Variants in PARD3 observed in about 807,000 individuals in gnomAD.
PARD3 encodes par-3 family cell polarity regulator.
In PARD3, 75 loss-of-function variants were observed where a neutral mutation model predicts 155.4. That is an observed-to-expected ratio of 0.48 (90% confidence interval 0.40 to 0.58). The LOEUF is 0.58. Among genes scored for constraint, PARD3 ranks in the 20% least tolerant of loss-of-function variants. PARD3 has a pLI of 0.00. For synonymous variants in PARD3, 576 were observed against 610.5 expected (o/e 0.94, Z 0.83); for missense variants, 1,642 against 1,721.7 (o/e 0.95, Z 0.82).
intron 22 of PARD3, 92 bp downstream of exon 22, chr10:34,269,565 T>C (rs1955510583): frequency 9.9e-6 from 14 of 1,412,152 alleles, no homozygotes; most frequent in Non-Finnish European, 1.3e-5. Flanking sequence ...AAGGCAATTC[T>C]GGTTTGAGGA....
At chr10:34,513,857 C>T (rs1324807543) in intron 3 of PARD3, among the ~76,000 whole-genome samples, 3 of 152,150 alleles carry the variant, frequency 2.0e-5, no homozygotes, top group African/African-American at 7.2e-5. Flanking sequence ...TGTCCTTGAC[C>T]TCTACTCAAT....
chr10:34,563,245 G>A (rs2085648012), intron 2 of PARD3, among the ~76,000 whole-genome samples: 1 of 152,126 alleles, frequency 6.6e-6, no homozygotes, highest in Admixed American at 6.5e-5. Flanking sequence ...GGGCAAAAAT[G>A]AATACTTTTT....
intron 14 of PARD3, among the ~76,000 whole-genome samples, chr10:34,354,382 A>G (rs1218576030): frequency 6.6e-6 from 1 of 151,942 alleles, no homozygotes; most frequent in Non-Finnish European, 1.5e-5. Context: ...TGTCTCAAAA[A>G]AAAAAAAAAG....
intron 2 of PARD3, among the ~76,000 whole-genome samples, chr10:34,628,560 G>A (rs370489514): frequency 1.6e-3 from 249 of 152,382 alleles, no homozygotes; most frequent in South Asian, 7.5e-3. Flanking sequence ...GGGTGTGGCT[G>A]TGCTCCAATA....
chr10:34,543,819 C>T (rs2083832412), intron 2 of PARD3, among the ~76,000 whole-genome samples: 1 of 152,130 alleles, frequency 6.6e-6, no homozygotes, highest in South Asian at 2.1e-4. Flanking sequence ...TGCCTTTTGT[C>T]ATCATTTGCA....
In PARD3 at chr10:34,116,577, A is replaced by G. The variant is rs547583789; in HGVS notation, c.3668+3036T>C. Among the ~76,000 whole-genome samples the G allele has an allele frequency of 2.6e-5, 4 of 152,328 alleles. No individual in the cohort carries two copies. In the South Asian group the frequency reaches 8.3e-4, roughly 32 times the overall value. On this transcript the variant is annotated intron_variant, in intron 24 of 24. Transcript: ENST00000374788. Reference sequence around the variant, plus strand: ...GAGTGGGGCTGCTTTGCAAGGCATCAAGCCGAACGCAGGGTTCTATGTTCC... The same window carrying G: ...GAGTGGGGCTGCTTTGCAAGGCATCGAGCCGAACGCAGGGTTCTATGTTCC...
At chr10:34,800,907 G>A (rs555835879) in intron 1 of PARD3, among the ~76,000 whole-genome samples, 4 of 152,130 alleles carry the variant, frequency 2.6e-5, no homozygotes, top group South Asian at 4.2e-4. Context: ...ACCACTCCCC[G>A]GAATCTATAA....
chr10:34,548,387 T>A (rs56236642), intron 2 of PARD3, among the ~76,000 whole-genome samples: 2,411 of 152,060 alleles, frequency 0.016, 66 homozygotes, highest in African/African-American at 0.055. Context: ...TAGTCCCAGC[T>A]ACTCAGGAGG....
intron 3 of PARD3, among the ~76,000 whole-genome samples, chr10:34,487,880 T>C (rs1589751053): frequency 6.6e-6 from 1 of 152,236 alleles, no homozygotes; most frequent in African/African-American, 2.4e-5. Context: ...AAAATTGACA[T>C]TGACTATTGA....
chr10:34,167,073 G>A (rs906546791), intron 22 of PARD3, among the ~76,000 whole-genome samples: 40 of 152,036 alleles, frequency 2.6e-4, no homozygotes, highest in African/African-American at 7.5e-4. Flanking sequence ...CTGCTGCAGC[G>A]TCGAGCTTGG....
intron 19 of PARD3, among the ~76,000 whole-genome samples, chr10:34,330,285 T>C (rs1488603876): frequency 6.6e-6 from 1 of 152,210 alleles, no homozygotes; most frequent in African/African-American, 2.4e-5. Flanking sequence ...ATAGAATGTT[T>C]ACTTTAATAT....
chr10:34,384,048 C>T (rs1374942845), intron 8 of PARD3, 81 bp downstream of exon 8: 17 of 1,384,408 alleles, frequency 1.2e-5, no homozygotes, highest in Non-Finnish European at 1.4e-5. Context: ...AGATCACAGA[C>T]ATGTTTGAAG....
At chr10:34,622,756 C>G (rs1392010165) in intron 2 of PARD3, among the ~76,000 whole-genome samples, 1 of 150,324 alleles carries the variant, frequency 6.7e-6, no homozygotes, top group Non-Finnish European at 1.5e-5. Flanking sequence ...TAAGGCCGAA[C>G]AGTAATAGAG....
intron 15 of PARD3, chr10:34,345,376 T>A: frequency 1.0e-6 from 1 of 985,300 alleles, no homozygotes; most frequent in African/African-American, 1.7e-5. Flanking sequence ...TTACTCCATA[T>A]GAAAATTCAA....
intron 5 of PARD3, among the ~76,000 whole-genome samples, chr10:34,423,628 T>G (rs1045591040): frequency 6.6e-6 from 1 of 152,174 alleles, no homozygotes; most frequent in African/African-American, 2.4e-5. Context: ...ATAATTCTTG[T>G]AATTACTGTT....
chr10:34,141,582 C>G (rs1377211385), intron 22 of PARD3, among the ~76,000 whole-genome samples: 1 of 152,164 alleles, frequency 6.6e-6, no homozygotes, highest in Non-Finnish European at 1.5e-5. Flanking sequence ...TACTCCAAGT[C>G]CCTCTGTGGT....
At chr10:34,230,973 C>T (rs1282064929) in intron 22 of PARD3, among the ~76,000 whole-genome samples, 1 of 151,974 alleles carries the variant, frequency 6.6e-6, no homozygotes, top group Non-Finnish European at 1.5e-5. Context: ...CTGCAGTGAG[C>T]TATAATCGCA....
rs1407118182 is a variant in PARD3, at chr10:34,337,222, C to T, written c.2560+53G>A. 5.2e-6 allele frequency: 6 copies of T among 1,145,876 alleles called. No homozygotes were observed. The African/African-American group carries it at 8.0e-5, about 15-fold the overall frequency. 71.0% of individuals were successfully genotyped at this position (1,145,876 alleles called of 1,614,324 possible). On this transcript the variant is annotated intron_variant, in intron 17 of 24. Coordinates refer to ENST00000374788, the MANE Select transcript of PARD3 (RefSeq NM_001184785.2). ...ATCTGCTTGGGACCATCAATTTTAT[C>T]CTGAAAGCATTTAAAACTTATTTAG... is the stretch of plus-strand genomic sequence containing the variant.
rs377749767 is a variant in PARD3, at chr10:34,731,122, T to A, written c.121-34703A>T. ...TCTGTTGAATACGCTATGAGCAATT[T>A]TTTTACGCTGTTTTCTCTCACCTTT... On this transcript the variant is annotated intron_variant, in intron 1 of 24. Coordinates refer to ENST00000374788, the MANE Select transcript of PARD3 (RefSeq NM_001184785.2). 9.2e-4 allele frequency among the ~76,000 whole-genome samples: 140 copies of A among 151,956 alleles called. 1 individual carries two copies. Among genetic ancestry groups the A allele is most frequent in the African/African-American group, 3.3e-3 (135 of 41,468 alleles).
Sources: allele counts gnomAD v4.1 joint callset (sites outside exome capture counted in the v4.1 genomes callset), GRCh38; gene constraint gnomAD v4.1.1; transcripts MANE v1.5; gene names NCBI Gene and HGNC (gene_info 2026-07-23, HGNC 2026-07-21).